DENND1A: variants seen among roughly 807,000 people sequenced by gnomAD.
DENND1A encodes the protein DENN domain-containing protein 1A.
DENND1A carries 51 observed loss-of-function variants against 113.7 expected under a neutral mutation model. The ratio of observed to expected loss-of-function variants is 0.45; its 90% confidence interval spans 0.36 to 0.57. DENND1A has a LOEUF of 0.57. Ranked by LOEUF, DENND1A falls within the 20% of genes least tolerant of loss-of-function variation. DENND1A has a pLI of 0.00. For synonymous variants in DENND1A, 565 were observed against 570.8 expected, an observed-to-expected ratio of 0.99 and a Z score of 0.14; for missense variants, 1,258 against 1,395.9, an observed-to-expected ratio of 0.90 and a Z score of 1.57.
At chr9:123,511,100 T>C (rs891576987) in intron 13 of DENND1A, among the ~76,000 whole-genome samples, 4 of 152,164 alleles carry the variant, frequency 2.6e-5, no homozygotes, top group Admixed American at 6.5e-5. Flanking sequence ...CAAACCTCCA[T>C]GCATCCCTCA....
intron 19 of DENND1A, among the ~76,000 whole-genome samples, chr9:123,426,091 A>G (rs548447423): frequency 6.6e-6 from 1 of 152,294 alleles, no homozygotes; most frequent in East Asian, 1.9e-4. Context: ...GCTCCAGACT[A>G]GAAGGCCTAG....
At chr9:123,720,729 T>C (rs923221104) in intron 5 of DENND1A, among the ~76,000 whole-genome samples, 2 of 152,250 alleles carry the variant, frequency 1.3e-5, no homozygotes, top group African/African-American at 4.8e-5. Flanking sequence ...TTCTTATCTA[T>C]GGCAATTTCT....
At chr9:123,606,084 A>G (rs2060142480) in intron 11 of DENND1A, among the ~76,000 whole-genome samples, 1 of 152,196 alleles carries the variant, frequency 6.6e-6, no homozygotes, top group African/African-American at 2.4e-5. Context: ...CCTGCAAGAA[A>G]CCGCAGAAGG....
chr9:123,520,581 A>C (rs939088554), intron 13 of DENND1A, among the ~76,000 whole-genome samples: 6 of 152,258 alleles, frequency 3.9e-5, no homozygotes, highest in Non-Finnish European at 5.9e-5. Context: ...ATGCCTGCAG[A>C]CTCAAGAATG....
intron 13 of DENND1A, among the ~76,000 whole-genome samples, chr9:123,478,333 C>T (rs2050077632): frequency 6.6e-6 from 1 of 152,226 alleles, no homozygotes; most frequent in Admixed American, 6.5e-5. Flanking sequence ...GAAGTCTGTG[C>T]CTGGGGGCAC....
At chr9:123,815,273 C>A (rs990182984) in intron 2 of DENND1A, among the ~76,000 whole-genome samples, 2 of 152,166 alleles carry the variant, frequency 1.3e-5, no homozygotes, top group Non-Finnish European at 2.9e-5. Context: ...TACAGATGCA[C>A]CTTTTGTTTT....
At chr9:123,927,561 A>G (rs997068330) in intron 1 of DENND1A, among the ~76,000 whole-genome samples, 1 of 152,236 alleles carries the variant, frequency 6.6e-6, no homozygotes, top group African/African-American at 2.4e-5. Flanking sequence ...TACAACCTGG[A>G]CACAGTCCTC....
intron 5 of DENND1A, among the ~76,000 whole-genome samples, chr9:123,711,381 G>A (rs2066576136): frequency 6.6e-6 from 1 of 151,256 alleles, no homozygotes; most frequent in Non-Finnish European, 1.5e-5. Flanking sequence ...CAGGAGAATA[G>A]CTTGAACCCA....
chr9:123,403,732 T>C (rs912759317), intron 20 of DENND1A, among the ~76,000 whole-genome samples: 6 of 152,200 alleles, frequency 3.9e-5, no homozygotes, highest in Non-Finnish European at 7.3e-5. Flanking sequence ...GCTCGGTTTC[T>C]TCATCTGCAA....
At chr9:123,867,916 C>T (rs576527250) in intron 2 of DENND1A, among the ~76,000 whole-genome samples, 1 of 152,180 alleles carries the variant, frequency 6.6e-6, no homozygotes, top group Non-Finnish European at 1.5e-5. Context: ...TGGATTTATT[C>T]ATAACCATCT....
chr9:123,804,473 T>C (rs1835212826), intron 2 of DENND1A, among the ~76,000 whole-genome samples: 1 of 152,204 alleles, frequency 6.6e-6, no homozygotes. Context: ...TCTCTCCCTA[T>C]TGAAGAGCTC....
At chr9:123,647,757 C>T (rs371930547) in intron 9 of DENND1A, among the ~76,000 whole-genome samples, 5 of 152,072 alleles carry the variant, frequency 3.3e-5, no homozygotes, top group Non-Finnish European at 7.4e-5. Flanking sequence ...TTGATCCGAT[C>T]GATATTCTAC....
At chr9:123,413,894 CCCCT>C in intron 19 of DENND1A, 1 of 985,452 alleles carries the variant, frequency 1.0e-6, no homozygotes, top group Non-Finnish European at 1.2e-6. Flanking sequence ...GGGAGCCCAC[CCCCT>C]CCACCGGTGC....
At chr9:123,615,247 A>G (rs1387183196) in intron 10 of DENND1A, among the ~76,000 whole-genome samples, 1 of 152,238 alleles carries the variant, frequency 6.6e-6, no homozygotes, top group Non-Finnish European at 1.5e-5. Flanking sequence ...GGGTGCTATC[A>G]GAACTACCAT....
At chr9:123,818,567 CATATAT>C (rs148656992) in intron 2 of DENND1A, among the ~76,000 whole-genome samples, 17 of 42,066 alleles carry the variant, frequency 4.0e-4, no homozygotes, top group Admixed American at 3.3e-3. Context: ...CACACACACA[CATATAT>C]ATATATATAT....
intron 2 of DENND1A, among the ~76,000 whole-genome samples, chr9:123,877,214 C>T (rs1490559001): frequency 5.3e-5 from 8 of 152,182 alleles, no homozygotes; most frequent in African/African-American, 1.4e-4. Flanking sequence ...GGGCCAGGCG[C>T]GGTGGCTCAC....
rs146428167 is a variant in DENND1A at position 123,440,528 on chromosome 9, G to A, written c.1357-37C>T. The A allele has an allele frequency of 4.5e-4, 691 of 1,524,990 alleles. 6 individuals are homozygous for A. The East Asian group carries it at 0.018, about 39-fold the overall frequency. 94.5% of individuals were successfully genotyped at this position (1,524,990 alleles called of 1,614,324 possible). On this transcript the variant is annotated intron_variant, in intron 18 of 23. Coordinates refer to ENST00000394215, the MANE Select transcript of DENND1A (RefSeq NM_001352964.2). ...AGGATAGTCAGCGGTTGGCACTGGGGTTCTGGCACCCATGTTCCCTCTCAC... is the reference window on the plus strand; with the variant it reads ...AGGATAGTCAGCGGTTGGCACTGGGATTCTGGCACCCATGTTCCCTCTCAC...
chr9:123,769,261 G>A (rs867554566), intron 4 of DENND1A, among the ~76,000 whole-genome samples: 8 of 152,116 alleles, frequency 5.3e-5, no homozygotes, highest in South Asian at 2.1e-4. Flanking sequence ...GTTTAAGTCT[G>A]ATAACAAAAT....
At chr9:123,874,753 C>T (rs995342873) in intron 2 of DENND1A, among the ~76,000 whole-genome samples, 28 of 152,110 alleles carry the variant, frequency 1.8e-4, no homozygotes, top group African/African-American at 6.3e-4. Context: ...ATCAGGTTGG[C>T]AAAAGTCAAA....
Sources: gnomAD v4.1 joint callset for allele counts (sites outside exome capture counted in the v4.1 genomes callset) on GRCh38, gnomAD v4.1.1 for gene constraint, MANE v1.5 for transcripts, NCBI Gene and HGNC (gene_info 2026-07-23, HGNC 2026-07-21) for gene names.